Variants in BRDT observed in about 807,000 individuals in gnomAD.
The protein encoded by BRDT is bromodomain testis associated.
In BRDT, 77 loss-of-function variants were observed where a neutral mutation model predicts 113.9. That is an observed-to-expected ratio of 0.68 (90% confidence interval 0.56 to 0.82). BRDT has a LOEUF of 0.82. Ranked by LOEUF, BRDT falls within the 40% of genes least tolerant of loss-of-function variation. The pLI is 0.00. For synonymous variants in BRDT, 358 were observed against 366.5 expected (o/e 0.98, Z 0.26); for missense variants, 1,027 against 1,105.4 (o/e 0.93, Z 1.01).
At chr1:92,012,301 A>AAT (rs1391242283) in intron 18 of BRDT, among the ~76,000 whole-genome samples, 11 of 150,706 alleles carry the variant, frequency 7.3e-5, no homozygotes, top group Middle Eastern at 3.4e-3. Context: ...CCATCTAGAA[A>AAT]AAAAAAAAAA....
intron 4 of BRDT, among the ~76,000 whole-genome samples, chr1:91,973,357 A>G (rs886806805): frequency 2.0e-5 from 3 of 152,048 alleles, no homozygotes; most frequent in Admixed American, 1.3e-4. Context: ...CATTGAATCT[A>G]TAAATTACCT....
At position 91,951,472 on chromosome 1, in the gene BRDT, CG is replaced by C. The variant is rs765004938; in HGVS notation, c.-38+1797del. On this transcript the variant is annotated intron_variant, in intron 1 of 18. Coordinates refer to ENST00000399546, the MANE Select transcript of BRDT (RefSeq NM_207189.4). ...GGCATAAGGCGGGGCGGCAGGGTGG[CG>C]GGGGGGCGTGTATAGATGGAATTAA... 2.7e-5 allele frequency among the ~76,000 whole-genome samples: 4 copies of C among 147,458 alleles called. No homozygotes were observed. The South Asian group carries it at 6.5e-4, about 24-fold the overall frequency.
chr1:91,983,950 G>A (rs764471138), intron 12 of BRDT, among the ~76,000 whole-genome samples: 22 of 152,272 alleles, frequency 1.4e-4, no homozygotes, highest in South Asian at 1.2e-3. Flanking sequence ...CCAAAGTGGC[G>A]TGAGCCACTG....
intron 15 of BRDT, among the ~76,000 whole-genome samples, chr1:91,997,752 C>T (rs1160124033): frequency 1.3e-5 from 2 of 152,192 alleles, no homozygotes; most frequent in African/African-American, 4.8e-5. Context: ...AGTAGCTGTT[C>T]TTTTGCAGTT....
At chr1:91,951,069 A>C (rs911890915) in intron 1 of BRDT, among the ~76,000 whole-genome samples, 6 of 151,250 alleles carry the variant, frequency 4.0e-5, no homozygotes, top group Admixed American at 2.6e-4. Flanking sequence ...CCCAGGTTGG[A>C]GTATTGACAG....
intron 9 of BRDT, 32 bp downstream of exon 9, chr1:91,980,847 G>A: frequency 6.3e-7 from 1 of 1,591,152 alleles, no homozygotes; most frequent in Non-Finnish European, 8.5e-7. Context: ...AGCTTATTAA[G>A]ACAATAACGA....
At chr1:91,954,305 G>C (rs1681487546) in intron 1 of BRDT, among the ~76,000 whole-genome samples, 1 of 110,206 alleles carries the variant, frequency 9.1e-6, no homozygotes, top group Non-Finnish European at 1.7e-5. Flanking sequence ...TTTGAGGCAA[G>C]TTCTCACTCT....
chr1:91,982,283 A>G (rs753057677), intron 12 of BRDT, among the ~76,000 whole-genome samples: 1 of 152,102 alleles, frequency 6.6e-6, no homozygotes, highest in African/African-American at 2.4e-5. Context: ...ATTTTCTTCC[A>G]TCTATAGAAA....
chr1:91,957,521 G>C (rs1329395963), intron 1 of BRDT: 1 of 152,140 alleles, frequency 6.6e-6, no homozygotes, highest in Non-Finnish European at 1.5e-5. Context: ...TGTTTTTGAG[G>C]AGTTTAGGTT....
intron 4 of BRDT, among the ~76,000 whole-genome samples, chr1:91,968,800 G>C (rs969066077): frequency 6.6e-6 from 1 of 152,122 alleles, no homozygotes; most frequent in South Asian, 2.1e-4. Flanking sequence ...GTATTATAGA[G>C]GTTAATCAAG....
At chr1:91,979,494 T>C (rs1684514093) in intron 7 of BRDT, 75 bp from the exon 8 acceptor site, 1 of 1,415,196 alleles carries the variant, frequency 7.1e-7, no homozygotes, top group East Asian at 2.3e-5. Flanking sequence ...TGAAATGTAC[T>C]TTTTGTTAAA....
chr1:91,990,371 A>G (rs1192960457), intron 12 of BRDT, among the ~76,000 whole-genome samples: 1 of 152,234 alleles, frequency 6.6e-6, no homozygotes, highest in Non-Finnish European at 1.5e-5. Context: ...CCACAGAACT[A>G]AAATAGCTTT....
At chr1:91,952,916 A>G (rs1199982784) in intron 1 of BRDT, among the ~76,000 whole-genome samples, 2 of 152,006 alleles carry the variant, frequency 1.3e-5, no homozygotes, top group African/African-American at 4.8e-5. Flanking sequence ...AAATGAGAAG[A>G]TTGAGTCATT....
chr1:92,002,263 C>A, intron 16 of BRDT, 114 bp downstream of exon 16: 1 of 727,856 alleles, frequency 1.4e-6, no homozygotes, highest in Non-Finnish European at 2.2e-6. Context: ...GATCTCTAAG[C>A]CTAATTTTTG....
chr1:91,980,990 A>G lies in BRDT; in HGVS notation c.1562A>G (p.Asn521Ser), dbSNP rs752463254. 6.2e-7 allele frequency: 1 copy of G among 1,614,098 alleles called. No individual in the cohort carries two copies. The highest frequency in any genetic ancestry group is 8.5e-7 in the Non-Finnish European group (1 of 1,179,994). Residue 521 changes from asparagine to serine, a missense_variant, in exon 10 of 19, where the codon AAT becomes AGT. By Grantham distance (46) the Asn-to-Ser change is conservative. Transcript: ENST00000399546. ...NYDEKRQLSL[N>S]INKLPGDKLG... Reference sequence around the variant, plus strand: ...GATGAGAAAAGGCAGTTAAGTCTGAATATAAACAAACTCCCTGGAGATAAA... The same window carrying G: ...GATGAGAAAAGGCAGTTAAGTCTGAGTATAAACAAACTCCCTGGAGATAAA...
At chr1:92,005,010 T>C (rs1687174347) in intron 17 of BRDT, 109 bp from the exon 18 acceptor site, 3 of 830,964 alleles carry the variant, frequency 3.6e-6, no homozygotes, top group Non-Finnish European at 5.2e-6. Flanking sequence ...TGTTATAACA[T>C]GAACATGGTT....
intron 18 of BRDT, among the ~76,000 whole-genome samples, chr1:92,012,357 C>T (rs1328224608): frequency 1.3e-5 from 2 of 151,786 alleles, no homozygotes; most frequent in African/African-American, 4.8e-5. Context: ...TACCAGTTCT[C>T]TATCGATAAT....
At chr1:91,983,685 G>GT (rs970589476) in intron 12 of BRDT, among the ~76,000 whole-genome samples, 1 of 146,490 alleles carries the variant, frequency 6.8e-6, no homozygotes, top group South Asian at 2.1e-4. Flanking sequence ...GCAAGTTTTT[G>GT]TTTTTTTGGT....
At chr1:91,953,458 T>C (rs1681355611) in intron 1 of BRDT, among the ~76,000 whole-genome samples, 1 of 152,034 alleles carries the variant, frequency 6.6e-6, no homozygotes, top group Non-Finnish European at 1.5e-5. Context: ...GGCAGGAGGA[T>C]TGCTTGAGCC....
Sources: allele counts gnomAD v4.1 joint callset (sites outside exome capture counted in the v4.1 genomes callset), GRCh38; gene constraint gnomAD v4.1.1; transcripts MANE v1.5; gene names NCBI Gene and HGNC (gene_info 2026-07-23, HGNC 2026-07-21).